The following PDE1B variants were observed in gnomAD, a reference collection of about 807,000 sequenced individuals.
PDE1B encodes the protein dual specificity calcium/calmodulin-dependent 3',5'-cyclic nucleotide phosphodiesterase 1B.
A neutral mutation model predicts 66.7 loss-of-function variants in PDE1B; 13 were observed. The observed-to-expected ratio is 0.19, with a 90% CI of 0.13 to 0.31. The LOEUF (loss-of-function observed/expected upper bound fraction) is 0.31, where lower values mean the gene tolerates loss of function less well. PDE1B is among the 10% of genes least tolerant of loss of function. The probability of loss-of-function intolerance (pLI) is 1.00; values close to 1 mark genes in which losing one functional copy is unlikely to be tolerated. For synonymous variants in PDE1B, 230 were observed against 253.9 expected (o/e 0.91, Z 0.90); for missense variants, 485 against 682.3 (o/e 0.71, Z 3.22).
rs188037979 is a variant in PDE1B, at chr12:54,550,148, T to A, written c.113+163T>A. Reference sequence around the variant, plus strand: ...CCCTGACACGCGTGGCCAGGCCACATGTGCAAGGCATGTGCGGAGCAAGCT... The same window carrying A: ...CCCTGACACGCGTGGCCAGGCCACAAGTGCAAGGCATGTGCGGAGCAAGCT... On this transcript the variant is annotated intron_variant, in intron 2 of 15. Transcript: ENST00000243052. 7,343 of 1,435,284 alleles carry A rather than the reference T, an allele frequency of 5.1e-3. 36 individuals are homozygous for A. The highest frequency in any genetic ancestry group is 6.3e-3 in the Non-Finnish European group (6,907 of 1,095,246). The allele number at this position is 1,435,284 out of a possible 1,614,324, so 88.9% of individuals were successfully genotyped here.
At chr12:54,576,873 A>C in intron 14 of PDE1B, 172 bp downstream of exon 14, 1 of 695,382 alleles carries the variant, frequency 1.4e-6, no homozygotes, top group Non-Finnish European at 2.4e-6. Context: ...AGTGGCCTGG[A>C]ATGTTCTAAG....
At chr12:54,576,795 C>G in intron 14 of PDE1B, 94 bp downstream of exon 14, 2 of 1,320,430 alleles carry the variant, frequency 1.5e-6, no homozygotes, top group Non-Finnish European at 2.1e-6. Context: ...TGGGGAAACC[C>G]TTTGCCGGAC....
chr12:54,556,473 C>A (rs1397988599), intron 2 of PDE1B, among the ~76,000 whole-genome samples: 1 of 152,198 alleles, frequency 6.6e-6, no homozygotes, highest in Non-Finnish European at 1.5e-5. Flanking sequence ...ATCCCCCAGT[C>A]CTGCAACTGC....
chr12:54,561,428 C>A, intron 2 of PDE1B: 1 of 1,263,912 alleles, frequency 7.9e-7, no homozygotes. Flanking sequence ...TTCCTGCAGC[C>A]AGGCCCCTCC....
chr12:54,574,190 C>T (rs957919506), intron 10 of PDE1B: 2 of 183,456 alleles, frequency 1.1e-5, no homozygotes, highest in Non-Finnish European at 2.3e-5. Context: ...ATAATTACAT[C>T]TAATGTTGCT....
chr12:54,568,146 C>T (rs371484846), intron 3 of PDE1B, among the ~76,000 whole-genome samples: 1 of 152,128 alleles, frequency 6.6e-6, no homozygotes, highest in Non-Finnish European at 1.5e-5. Flanking sequence ...CGTGAGCTAC[C>T]GCGCCCAGCC....
At chr12:54,576,987 A>AT (rs1317252312) in intron 14 of PDE1B, 6 of 606,310 alleles carry the variant, frequency 9.9e-6, no homozygotes, top group Non-Finnish European at 1.7e-5. Flanking sequence ...GATTTGGCTA[A>AT]TTTGGTGGCC....
chr12:54,556,501 G>A (rs1316256140), intron 2 of PDE1B, among the ~76,000 whole-genome samples: 3 of 152,132 alleles, frequency 2.0e-5, no homozygotes, highest in East Asian at 3.8e-4. Flanking sequence ...CCCTCAGCTG[G>A]GGTTGCATCT....
rs184255770 is a variant in PDE1B, at chr12:54,562,896, C to G, written c.114-4078C>G. On this transcript the variant is annotated intron_variant, in intron 2 of 15. Coordinates refer to ENST00000243052, the MANE Select transcript of PDE1B (RefSeq NM_000924.4). ...GGATTGTGTTTGGTTCAGATTTCAA[C>G]AGAAGCTATACAAGAGCTCCTGGAC... Among the ~76,000 whole-genome samples, 34 of 152,294 alleles carry G rather than the reference C, an allele frequency of 2.2e-4. No individual in the cohort carries two copies. In the East Asian group the frequency reaches 3.7e-3, roughly 16 times the overall value.
chr12:54,570,667 AG>A, intron 6 of PDE1B: 1 of 292,542 alleles, frequency 3.4e-6, no homozygotes, highest in Non-Finnish European at 6.6e-6. Flanking sequence ...TGGACACTGG[AG>A]GCCTGGAGTT....
At chr12:54,555,983 G>C (rs975680390) in intron 2 of PDE1B, among the ~76,000 whole-genome samples, 2 of 152,090 alleles carry the variant, frequency 1.3e-5, no homozygotes, top group Non-Finnish European at 2.9e-5. Context: ...GGATAAGCTT[G>C]CTATAGGTGC....
At chr12:54,577,462 T>C in intron 15 of PDE1B, 117 bp downstream of exon 15, 8 of 1,603,012 alleles carry the variant, frequency 5.0e-6, no homozygotes, top group Non-Finnish European at 6.8e-6. Context: ...AGCAGTAAAA[T>C]GGAGCGAGTG....
rs370600668 is a variant in PDE1B, at chr12:54,561,026, C to A, written c.114-5948C>A. ...TTTTATCCTCTGTGGGAAGTTCATC[C>A]CCCTGTCTTGCTTCCATTCTGTGAG... On this transcript the variant is annotated intron_variant, in intron 2 of 15. Transcript: ENST00000243052. Among the ~76,000 whole-genome samples the A allele has an allele frequency of 5.5e-4, 83 of 152,208 alleles. 3 individuals are homozygous for A. In the South Asian group the frequency reaches 0.012, roughly 22 times the overall value.
In PDE1B at chr12:54,575,087, G is replaced by A; in HGVS notation, c.1065-11G>A. 1.2e-6 allele frequency: 2 copies of A among 1,612,472 alleles called. No homozygotes were observed. The highest frequency in any genetic ancestry group is 1.7e-6 in the Non-Finnish European group (2 of 1,179,252). On this transcript the variant is annotated splice_polypyrimidine_tract_variant and intron_variant, in intron 10 of 15. Transcript: ENST00000243052. This position sits in a 1 kb window ranked among gnomAD's most constrained non-coding sequence, Gnocchi z 4.0. ...ATCAGTCTCCCTTCCCTTGCCATCT[G>A]CCCCAACCAGGATTGACAAGCCCAA...
chr12:54,572,683 T>C lies in PDE1B; in HGVS notation c.677T>C (p.Ile226Thr), dbSNP rs754853954. 1 of 1,614,128 alleles carries C rather than the reference T, an allele frequency of 6.2e-7. No individual in the cohort carries two copies. The highest frequency in any genetic ancestry group is 8.5e-7 in the Non-Finnish European group (1 of 1,179,966). ...TACAAGAATCCTTACCACAACCAGA[T>C]CCACGCAGCCGATGTTACCCAGACA... ...GKYKNPYHNQIHAADVTQTVH... is the reference protein window; with the variant it reads ...GKYKNPYHNQTHAADVTQTVH... The change falls in exon 7 of 16, where the codon ATC becomes ACC. Residue 226 changes from isoleucine to threonine, a missense_variant. Around this residue, in one of 4 missense-constraint regions of PDE1B, gnomAD observed 282 missense variants for 453.4 expected, o/e 0.62. Coordinates refer to ENST00000243052, the MANE Select transcript of PDE1B (RefSeq NM_000924.4).
chr12:54,557,010 A>G (rs1957350303), intron 2 of PDE1B, among the ~76,000 whole-genome samples: 1 of 152,070 alleles, frequency 6.6e-6, no homozygotes, highest in South Asian at 2.1e-4. Context: ...CAACTCCTGC[A>G]TATCTGCTTG....
In PDE1B at chr12:54,573,615, C is replaced by A; in HGVS notation, c.970C>A (p.Arg324=). The A allele has an allele frequency of 1.2e-6, 2 of 1,613,644 alleles. No homozygotes were observed. The highest frequency in any genetic ancestry group is 1.7e-6 in the Non-Finnish European group (2 of 1,179,598). Residue 324 remains arginine, a synonymous_variant, in exon 10 of 16, where the codon CGA becomes AGA. Transcript: ENST00000243052. The surrounding 1 kb of genome is among the most constrained non-coding windows in gnomAD (Gnocchi z 5.2). ...CTTTTTATGTCCGCTCAGAGAACTCCGAGCCCTGGTCATTGAGATGGTGTT... is the reference window on the plus strand; with the variant it reads ...CTTTTTATGTCCGCTCAGAGAACTCAGAGCCCTGGTCATTGAGATGGTGTT... ...NLTKDEFVEL[R]ALVIEMVLAT...
chr12:54,560,989 C>G (rs771992507), intron 2 of PDE1B, among the ~76,000 whole-genome samples: 9 of 152,160 alleles, frequency 5.9e-5, no homozygotes, highest in Admixed American at 2.6e-4. Flanking sequence ...CAGGAAGCCC[C>G]TCCCTACAGT....
chr12:54,576,501 C>G, intron 13 of PDE1B, 70 bp from the exon 14 acceptor site: 1 of 1,591,878 alleles, frequency 6.3e-7, no homozygotes. Context: ...GTCCTGCACT[C>G]CCAGGGCTAA....
Sources: allele counts gnomAD v4.1 joint callset (sites outside exome capture counted in the v4.1 genomes callset), GRCh38; gene constraint gnomAD v4.1.1; regional missense constraint gnomAD v4.1.1; non-coding constraint Gnocchi (gnomAD v3.1); transcripts MANE v1.5; gene names NCBI Gene and HGNC (gene_info 2026-07-23, HGNC 2026-07-21).